TTLL7: variants seen among roughly 807,000 people sequenced by gnomAD.
The protein encoded by TTLL7 is tubulin tyrosine ligase like 7, also known as tubulin polyglutamylase TTLL7.
In TTLL7, 53 loss-of-function variants were observed where a neutral mutation model predicts 120.2. The ratio of observed to expected loss-of-function variants is 0.44; its 90% CI spans 0.35 to 0.55. The LOEUF (loss-of-function observed/expected upper bound fraction) is 0.55, where lower values mean the gene tolerates loss of function less well. Among genes scored for constraint, TTLL7 ranks in the 20% least tolerant of loss-of-function variants. The pLI is 0.00. For missense variants in TTLL7, 803 were observed against 1,054.7 expected (o/e 0.76, Z 3.31); for synonymous variants, 353 against 351.7 (o/e 1.00, Z -0.04).
At chr1:83,873,184 A>G (rs1653597892) in intron 20 of TTLL7, among the ~76,000 whole-genome samples, 1 of 152,238 alleles carries the variant, frequency 6.6e-6, no homozygotes, top group South Asian at 2.1e-4. Flanking sequence ...GAAACTTTTT[A>G]TTAAGACTTG....
chr1:83,919,172 A>G (rs1210708633), intron 13 of TTLL7, among the ~76,000 whole-genome samples: 2 of 151,954 alleles, frequency 1.3e-5, no homozygotes, highest in African/African-American at 4.8e-5. Context: ...CCCAGCCACG[A>G]TTGCAGAGTA....
chr1:83,931,060 C>T (rs1366050240), intron 9 of TTLL7, among the ~76,000 whole-genome samples: 1 of 149,932 alleles, frequency 6.7e-6, no homozygotes, highest in Non-Finnish European at 1.5e-5. Context: ...AGAAAAACCA[C>T]AAATGGCTGA....
In TTLL7 at chr1:83,952,330, A is replaced by G. The variant is rs1649139375; in HGVS notation, c.-119T>C. 3.9e-6 allele frequency: 4 copies of G among 1,029,754 alleles called. No individual in the cohort carries two copies. The highest frequency in any genetic ancestry group is 4.6e-5 in the Admixed American group (2 of 43,222). The allele number at this position is 1,029,754 out of a possible 1,614,324, so 63.8% of individuals were successfully genotyped here. A position where few individuals can be genotyped will look rare whatever the true frequency, so the allele number is the denominator to read the frequency against. On this transcript the variant is annotated 5_prime_UTR_variant, in exon 2 of 21. Coordinates refer to ENST00000260505, the MANE Select transcript of TTLL7 (RefSeq NM_024686.6). Reference sequence around the variant, plus strand: ...CCAAATCACTGAAAGTTCTTATCATATTATCTTGGTGGAATCCTCAGATTT... The same window carrying G: ...CCAAATCACTGAAAGTTCTTATCATGTTATCTTGGTGGAATCCTCAGATTT...
chr1:83,915,289 C>G (rs1658044527), intron 14 of TTLL7, among the ~76,000 whole-genome samples: 1 of 152,106 alleles, frequency 6.6e-6, no homozygotes, highest in Non-Finnish European at 1.5e-5. Context: ...GGTACCAAAA[C>G]AGAGATATAG....
At chr1:83,995,934 CCTG>C (rs1653436799) in intron 1 of TTLL7, among the ~76,000 whole-genome samples, 1 of 151,988 alleles carries the variant, frequency 6.6e-6, no homozygotes, top group Admixed American at 6.5e-5. Flanking sequence ...CATTTTTAAG[CCTG>C]CTATTAGGCA....
intron 1 of TTLL7, among the ~76,000 whole-genome samples, chr1:83,966,324 A>G (rs931712647): frequency 6.6e-6 from 1 of 151,986 alleles, no homozygotes; most frequent in Non-Finnish European, 1.5e-5. Flanking sequence ...CTACAGTTGC[A>G]TGAGCCAATT....
intron 20 of TTLL7, among the ~76,000 whole-genome samples, chr1:83,873,244 G>T (rs578072104): frequency 6.6e-6 from 1 of 152,110 alleles, no homozygotes; most frequent in Admixed American, 6.6e-5. Context: ...TACATTGGAA[G>T]AAACACTTTT....
chr1:83,983,453 C>CA (rs1487897936), intron 1 of TTLL7, among the ~76,000 whole-genome samples: 1 of 152,112 alleles, frequency 6.6e-6, no homozygotes, highest in Non-Finnish European at 1.5e-5. Context: ...TCACCACAAG[C>CA]AAAAATTAAC....
At position 83,869,597 on chromosome 1, in the gene TTLL7, G is replaced by A. The variant is rs185484996; in HGVS notation, c.*365C>T. ...AGAAAATAATTTAACACTGTAATTGGATCTTCAAGATCAATTTGTTTTATA... is the reference window on the plus strand; with the variant it reads ...AGAAAATAATTTAACACTGTAATTGAATCTTCAAGATCAATTTGTTTTATA... On this transcript the variant is annotated 3_prime_UTR_variant, in exon 21 of 21. Coordinates refer to ENST00000260505, the MANE Select transcript of TTLL7 (RefSeq NM_024686.6). 22 of 155,784 alleles carry A rather than the reference G, an allele frequency of 1.4e-4. No homozygotes were observed. The highest frequency in any genetic ancestry group is 2.4e-4 in the Non-Finnish European group (17 of 70,402). 9.7% of individuals were successfully genotyped at this position (155,784 alleles called of 1,614,324 possible).
intron 20 of TTLL7, among the ~76,000 whole-genome samples, chr1:83,870,561 A>G (rs539732253): frequency 2.0e-5 from 3 of 152,324 alleles, no homozygotes; most frequent in Admixed American, 2.0e-4. Context: ...TAACATTCCT[A>G]ATTAGAATAT....
intron 6 of TTLL7, 116 bp from the exon 7 acceptor site, chr1:83,942,795 T>C: frequency 1.4e-6 from 1 of 710,944 alleles, no homozygotes; most frequent in South Asian, 2.1e-5. Flanking sequence ...AGTCTGTCCC[T>C]CCACAAAAGC....
At chr1:83,993,680 T>C (rs1175318521) in intron 1 of TTLL7, among the ~76,000 whole-genome samples, 2 of 151,980 alleles carry the variant, frequency 1.3e-5, no homozygotes. Flanking sequence ...GAAGACCCAG[T>C]GAATGCTGGA....
intron 1 of TTLL7, among the ~76,000 whole-genome samples, chr1:83,965,868 C>A (rs1429357954): frequency 1.3e-5 from 2 of 152,082 alleles, no homozygotes. Flanking sequence ...CTGAAACTTT[C>A]CACCTGCTAA....
At chr1:83,911,975 C>T (rs745532406) in intron 14 of TTLL7, among the ~76,000 whole-genome samples, 11 of 152,094 alleles carry the variant, frequency 7.2e-5, no homozygotes, top group Non-Finnish European at 1.5e-4. Context: ...GTATCCCTTA[C>T]AAGACTAACT....
chr1:83,998,027 GTTGT>G (rs1557837411), intron 1 of TTLL7, among the ~76,000 whole-genome samples: 2 of 152,180 alleles, frequency 1.3e-5, no homozygotes, highest in African/African-American at 2.4e-5. Context: ...TGTTGTTGCT[GTTGT>G]TTGAGATTAC....
intron 10 of TTLL7, among the ~76,000 whole-genome samples, chr1:83,927,686 T>C (rs1454648721): frequency 1.3e-5 from 2 of 152,274 alleles, no homozygotes; most frequent in Non-Finnish European, 2.9e-5. Context: ...GTAAGATCAT[T>C]CCCAATAGTC....
chr1:83,906,784 A>C (rs908507045), intron 16 of TTLL7, among the ~76,000 whole-genome samples: 2 of 152,068 alleles, frequency 1.3e-5, no homozygotes, highest in Non-Finnish European at 2.9e-5. Context: ...TAGAAAAAAA[A>C]ATTCATTGTT....
At chr1:83,892,481 A>AATGAACATAT (rs1655679063) in intron 18 of TTLL7, among the ~76,000 whole-genome samples, 2 of 83,974 alleles carry the variant, frequency 2.4e-5, no homozygotes, top group Non-Finnish European at 5.5e-5. Flanking sequence ...TGAACATATG[A>AATGAACATAT]ATGAACATAT....
intron 7 of TTLL7, among the ~76,000 whole-genome samples, chr1:83,939,557 G>A (rs1166045095): frequency 6.6e-6 from 1 of 152,124 alleles, no homozygotes; most frequent in East Asian, 1.9e-4. Context: ...AGAAGCGAAA[G>A]CAGCTATGAA....
Sources: allele counts gnomAD v4.1 joint callset (sites outside exome capture counted in the v4.1 genomes callset), GRCh38; gene constraint gnomAD v4.1.1; transcripts MANE v1.5; gene names NCBI Gene and HGNC (gene_info 2026-07-23, HGNC 2026-07-21).